The following STXBP5L variants were observed in gnomAD, a reference collection of about 807,000 sequenced individuals.
The protein encoded by STXBP5L is syntaxin binding protein 5L, also known as syntaxin-binding protein 5-like.
STXBP5L carries 65 observed loss-of-function variants against 144.5 expected under a neutral mutation model. The observed-to-expected ratio is 0.45, with a 90% CI of 0.37 to 0.55. STXBP5L has a LOEUF of 0.55. STXBP5L is among the 20% of genes least tolerant of loss of function. STXBP5L has a pLI of 0.00. For missense variants in STXBP5L, 1,298 were observed against 1,405.5 expected (o/e 0.92, Z 1.22); for synonymous variants, 505 against 469.6 (o/e 1.08, Z -0.97).
chr3:121,313,439 G>A lies in STXBP5L; in HGVS notation c.2111-5036G>A, dbSNP rs1302743369. Among the ~76,000 whole-genome samples the A allele has an allele frequency of 7.0e-4, 74 of 105,570 alleles. 4 individuals are homozygous for A. In the East Asian group the frequency reaches 0.022, roughly 31 times the overall value. 69.3% of individuals were successfully genotyped at this position (105,570 alleles called of 152,430 possible). A position where few individuals can be genotyped will look rare whatever the true frequency, so the allele number is the denominator to read the frequency against. On this transcript the variant is annotated intron_variant, in intron 19 of 26. Coordinates refer to ENST00000471454, the MANE Select transcript of STXBP5L (RefSeq NM_001308330.2). Reference sequence around the variant, plus strand: ...GACTGGGCGGCTGGCCGGGCGGGGGGCTGACCCCCCCACCTCCCTCCTGGA... The same window carrying A: ...GACTGGGCGGCTGGCCGGGCGGGGGACTGACCCCCCCACCTCCCTCCTGGA...
Position 121,114,968 on chromosome 3 carries a change from G to A in STXBP5L, c.514G>A (p.Val172Ile). The A allele has an allele frequency of 6.3e-7, 1 of 1,597,568 alleles. No individual in the cohort carries two copies. The highest frequency in any genetic ancestry group is 8.5e-7 in the Non-Finnish European group (1 of 1,173,422). ...ACCTTTCCAGAGTAAATGGCTTTAT[G>A]TTGGAACAGAAAGAGGAAATACACA... Reference protein sequence around the residue: ...HLPFQSKWLYVGTERGNTHIV... With the variant: ...HLPFQSKWLYIGTERGNTHIV... Residue 172 changes from valine to isoleucine, a missense_variant, in exon 6 of 27, where the codon GTT becomes ATT. Physicochemically the swap from Val to Ile is conservative, Grantham distance 29 (BLOSUM62 3). Coordinates refer to ENST00000471454, the MANE Select transcript of STXBP5L (RefSeq NM_001308330.2).
chr3:121,061,060 T>C (rs2041251097), intron 5 of STXBP5L, among the ~76,000 whole-genome samples: 1 of 152,184 alleles, frequency 6.6e-6, no homozygotes, highest in African/African-American at 2.4e-5. Context: ...TTAATTGTGA[T>C]GTTAGGGTAT....
chr3:120,971,984 C>T (rs572308562), intron 3 of STXBP5L, among the ~76,000 whole-genome samples: 4 of 152,016 alleles, frequency 2.6e-5, no homozygotes, highest in Admixed American at 2.0e-4. Flanking sequence ...GTGCTGTGAC[C>T]TACTGTGACA....
intron 3 of STXBP5L, among the ~76,000 whole-genome samples, chr3:121,031,448 A>C (rs1326284872): frequency 6.6e-6 from 1 of 152,028 alleles, no homozygotes; most frequent in East Asian, 1.9e-4. Context: ...AAATTGGCTC[A>C]CACAACTATG....
At chr3:121,109,078 G>A (rs980155352) in intron 5 of STXBP5L, among the ~76,000 whole-genome samples, 1 of 152,058 alleles carries the variant, frequency 6.6e-6, no homozygotes, top group Non-Finnish European at 1.5e-5. Flanking sequence ...CATTTCTGTG[G>A]GGTCAGTGGT....
intron 20 of STXBP5L, among the ~76,000 whole-genome samples, chr3:121,346,602 C>A (rs1379707609): frequency 6.6e-6 from 1 of 152,170 alleles, no homozygotes; most frequent in South Asian, 2.1e-4. Context: ...TCCACATCCT[C>A]TCCAGCATCT....
At position 121,413,158 on chromosome 3, in the gene STXBP5L, C is replaced by T. The variant is rs775603485; in HGVS notation, c.2949C>T (p.Ser983=). Residue 983 remains serine, a splice_region_variant and synonymous_variant, in exon 24 of 27, where the codon AGC becomes AGT. Coordinates refer to ENST00000471454, the MANE Select transcript of STXBP5L (RefSeq NM_001308330.2). ...TATGGATTTACTTTTTTCCATTCAG[C>T]CTACCTAGTCTTCGCCCAATGTTGG... ...FCANGHIMIM[S]LPSLRPMLDV... 6.3e-7 allele frequency: 1 copy of T among 1,581,952 alleles called. No individual in the cohort carries two copies. Among genetic ancestry groups the T allele is most frequent in the Non-Finnish European group, 8.6e-7 (1 of 1,167,408 alleles).
intron 5 of STXBP5L, among the ~76,000 whole-genome samples, chr3:121,066,218 A>G (rs1398136694): frequency 1.3e-5 from 2 of 152,122 alleles, no homozygotes; most frequent in Admixed American, 6.5e-5. Flanking sequence ...ATGGAAAAGA[A>G]CAGTGGTTTT....
chr3:121,239,372 T>C (rs1034584053), intron 13 of STXBP5L, among the ~76,000 whole-genome samples: 7 of 150,604 alleles, frequency 4.6e-5, no homozygotes, highest in Admixed American at 6.7e-5. Flanking sequence ...TTATCTAGTA[T>C]GTACATTTAT....
At chr3:121,270,486 T>C (rs2050704103) in intron 18 of STXBP5L, among the ~76,000 whole-genome samples, 1 of 152,028 alleles carries the variant, frequency 6.6e-6, no homozygotes, top group Non-Finnish European at 1.5e-5. Context: ...GGTGTCTCGC[T>C]CTATTGCCCA....
intron 19 of STXBP5L, 48 bp from the exon 20 acceptor site, chr3:121,318,427 A>G (rs749451627): frequency 2.1e-6 from 3 of 1,460,978 alleles, no homozygotes; most frequent in Non-Finnish European, 2.8e-6. Context: ...AGAATAACCT[A>G]CAAAATGCTA....
intron 9 of STXBP5L, chr3:121,157,955 A>G (rs2046180177): frequency 4.6e-6 from 1 of 219,094 alleles, no homozygotes; most frequent in Admixed American, 6.2e-5. Context: ...GGAGCCAGTG[A>G]GAGAATGGCA....
chr3:121,005,898 TG>T (rs1419472475), intron 3 of STXBP5L, among the ~76,000 whole-genome samples: 1 of 152,218 alleles, frequency 6.6e-6, no homozygotes, highest in Non-Finnish European at 1.5e-5. Flanking sequence ...CTAGTTTGAT[TG>T]CACTGTGGTC....
At chr3:121,370,034 G>A (rs767547260) in intron 20 of STXBP5L, among the ~76,000 whole-genome samples, 2 of 152,090 alleles carry the variant, frequency 1.3e-5, no homozygotes, top group Non-Finnish European at 2.9e-5. Flanking sequence ...CCCTCTTGCT[G>A]TTCTTGTGAT....
chr3:121,188,072 C>T (rs2047475326), intron 9 of STXBP5L, among the ~76,000 whole-genome samples: 1 of 152,094 alleles, frequency 6.6e-6, no homozygotes. Flanking sequence ...CTTAGACTCC[C>T]ACACAATGTT....
At chr3:121,369,164 C>A (rs1014436129) in intron 20 of STXBP5L, among the ~76,000 whole-genome samples, 1 of 152,188 alleles carries the variant, frequency 6.6e-6, no homozygotes, top group Non-Finnish European at 1.5e-5. Context: ...TACTACTGAG[C>A]TAAGAGCTAA....
chr3:121,039,955 GGTAGA>G (rs1947032095), intron 3 of STXBP5L, among the ~76,000 whole-genome samples: 1 of 148,614 alleles, frequency 6.7e-6, no homozygotes, highest in Admixed American at 7.0e-5. Flanking sequence ...GAGATAGATA[GGTAGA>G]TAGATGGATG....
At chr3:121,154,246 T>A (rs1428364600) in intron 8 of STXBP5L, among the ~76,000 whole-genome samples, 1 of 151,926 alleles carries the variant, frequency 6.6e-6, no homozygotes, top group Non-Finnish European at 1.5e-5. Context: ...CATTATATGC[T>A]CTATTGTTTT....
At chr3:121,401,894 T>TAA (rs71133532) in intron 22 of STXBP5L, among the ~76,000 whole-genome samples, 1,725 of 137,614 alleles carry the variant, frequency 0.013, 30 homozygotes, top group African/African-American at 0.043. Context: ...TAGAGTATAA[T>TAA]AAAAAAAAAA....
Sources: allele counts gnomAD v4.1 joint callset (sites outside exome capture counted in the v4.1 genomes callset), GRCh38; gene constraint gnomAD v4.1.1; transcripts MANE v1.5; gene names NCBI Gene and HGNC (gene_info 2026-07-23, HGNC 2026-07-21).